Variants in SMG5 observed in about 807,000 individuals in gnomAD.
The protein encoded by SMG5 is SMG5 nonsense mediated mRNA decay factor.
Under a neutral mutation model 122.9 loss-of-function variants are expected in SMG5, and 53 were observed. The observed-to-expected ratio is 0.43, with a 90% CI of 0.35 to 0.54. The LOEUF is 0.54. Ranked by LOEUF, SMG5 falls within the 20% of genes least tolerant of loss-of-function variation. The pLI is 0.01. For missense variants in SMG5, 1,153 were observed against 1,285.6 expected (o/e 0.90, Z 1.58); for synonymous variants, 477 against 490.2 (o/e 0.97, Z 0.35).
Position 156,249,475 on chromosome 1 carries a change from G to A in SMG5, c.*1112C>T. On this transcript the variant is annotated 3_prime_UTR_variant, in exon 22 of 22. Coordinates refer to ENST00000361813, the MANE Select transcript of SMG5 (RefSeq NM_015327.3). ...CCCAGCCTGAGGGGGAGGAGCTGAG[G>A]CAATCCTGGCTGCAGCCTCCCACAC... The A allele has an allele frequency of 8.7e-6, 3 of 346,226 alleles. No individual in the cohort carries two copies. Among genetic ancestry groups the A allele is most frequent in the South Asian group, 2.2e-5 (1 of 45,362 alleles). The allele number at this position is 346,226 out of a possible 1,614,324, so 21.4% of individuals were successfully genotyped here. A position where few individuals can be genotyped will look rare whatever the true frequency, so the allele number is the denominator to read the frequency against.
At chr1:156,274,752 AC>A (rs1260227972) in intron 4 of SMG5, 66 bp from the exon 5 acceptor site, 5 of 1,313,190 alleles carry the variant, frequency 3.8e-6, no homozygotes, top group Non-Finnish European at 4.4e-6. Context: ...ATGAAGAAAT[AC>A]CCCTCCGAGA....
Position 156,250,471 on chromosome 1 carries a change from C to G in SMG5, c.*116G>C. On this transcript the variant is annotated 3_prime_UTR_variant, in exon 22 of 22. Transcript: ENST00000361813. The stretch of plus-strand genomic sequence containing the variant: ...AGCCTCTGAGCAGCTAGGCCTCCCT[C>G]CTGTGTGCGTGCATGAGTCTGCGTG... 13 of 909,116 alleles carry G rather than the reference C, an allele frequency of 1.4e-5. No homozygotes were observed. The Middle Eastern group carries it at 2.9e-3, about 204-fold the overall frequency. 56.3% of individuals were successfully genotyped at this position (909,116 alleles called of 1,614,324 possible).
At chr1:156,264,292 AAG>A (rs1281756099) in intron 12 of SMG5, among the ~76,000 whole-genome samples, 3 of 151,556 alleles carry the variant, frequency 2.0e-5, no homozygotes, top group Admixed American at 6.6e-5. Context: ...AAAAAAAAAA[AAG>A]AGTTACTTTT....
chr1:156,260,230 T>C (rs1437282338), intron 15 of SMG5, among the ~76,000 whole-genome samples: 1 of 152,036 alleles, frequency 6.6e-6, no homozygotes, highest in African/African-American at 2.4e-5. Context: ...TCTACAATAG[T>C]AGAAACTACC....
At chr1:156,259,708 T>C (rs1229829403) in intron 15 of SMG5, among the ~76,000 whole-genome samples, 1 of 152,130 alleles carries the variant, frequency 6.6e-6, no homozygotes. Flanking sequence ...TTTGTATTTT[T>C]TGATAGAAAT....
chr1:156,285,726 C>G (rs749622108), upstream of SMG5: 1 of 1,613,252 alleles, frequency 6.2e-7, no homozygotes, highest in Non-Finnish European at 8.5e-7. Context: ...GTCACCCACC[C>G]CGACCCCACT....
At chr1:156,271,167 C>G (rs1361300495) in intron 7 of SMG5, among the ~76,000 whole-genome samples, 1 of 152,190 alleles carries the variant, frequency 6.6e-6, no homozygotes, top group Non-Finnish European at 1.5e-5. Flanking sequence ...AATACAGCGA[C>G]TAGGTTACCT....
At position 156,268,314 on chromosome 1, in the gene SMG5, C is replaced by G; in HGVS notation, c.815G>C (p.Arg272Pro). ...MYHQLKKCET[R>P]KLSPGKKRCK... ...CCGCTTTTTGCCAGGAGACAGTTTC[C>G]GAGTCTCACACTTCTTCAGTTGGTG... Residue 272 changes from arginine to proline, a missense_variant, in exon 8 of 22, where the codon CGG becomes CCG. By Grantham distance (103) the Arg-to-Pro change is moderately radical (BLOSUM62 -2). Transcript: ENST00000361813. 2 of 1,614,148 alleles carry G rather than the reference C, an allele frequency of 1.2e-6. No homozygotes were observed. The highest frequency in any genetic ancestry group is 1.1e-5 in the South Asian group (1 of 91,078).
At chr1:156,280,796 A>G (rs906501252) in intron 1 of SMG5, among the ~76,000 whole-genome samples, 3 of 152,136 alleles carry the variant, frequency 2.0e-5, no homozygotes, top group Non-Finnish European at 2.9e-5. Context: ...CCTCCACTAA[A>G]CTATAATCTC....
chr1:156,283,431 C>T (rs1663058442), upstream of SMG5, among the ~76,000 whole-genome samples: 1 of 152,166 alleles, frequency 6.6e-6, no homozygotes, highest in Admixed American at 6.5e-5. Flanking sequence ...CAGAGGTGAG[C>T]AAGCTAGACA....
At chr1:156,280,284 C>T (rs55794897) in intron 1 of SMG5, among the ~76,000 whole-genome samples, 3,544 of 152,284 alleles carry the variant, frequency 0.023, 60 homozygotes, top group Middle Eastern at 0.1. Flanking sequence ...ACAAAAGCAA[C>T]AAAAACAGAG....
chr1:156,286,132 C>T, upstream of SMG5: 1 of 1,370,060 alleles, frequency 7.3e-7, no homozygotes, highest in Non-Finnish European at 1.0e-6. Flanking sequence ...CCATCTCCTC[C>T]CAGGACCACC....
At chr1:156,274,518 T>C (rs1662589713) in intron 5 of SMG5, 79 bp downstream of exon 5, 1 of 1,271,850 alleles carries the variant, frequency 7.9e-7, no homozygotes, top group Admixed American at 1.7e-5. Flanking sequence ...AACCATGTAA[T>C]GGGTGTTACC....
At position 156,282,823 on chromosome 1, in the gene SMG5, G is replaced by A. The variant is rs1469030866; in HGVS notation, c.-143C>T. The A allele has an allele frequency of 7.3e-6, 6 of 824,882 alleles. No homozygotes were observed. The highest frequency in any genetic ancestry group is 1.9e-5 in the South Asian group (1 of 53,402). 51.1% of individuals were successfully genotyped at this position (824,882 alleles called of 1,614,324 possible). ...CCATCGCTGTGAGGCGGCTGCCCGC[G>A]ACAGCTCCTCCTCCGCCTGCCAAAT... is the stretch of plus-strand genomic sequence containing the variant. On this transcript the variant is annotated 5_prime_UTR_variant, in exon 1 of 22. Coordinates refer to ENST00000361813, the MANE Select transcript of SMG5 (RefSeq NM_015327.3).
chr1:156,263,546 T>TCCGACTCAGAGC lies in SMG5; in HGVS notation c.1868_1879dup (p.Gly623_Ser626dup). 6.2e-7 allele frequency: 1 copy of TCCGACTCAGAGC among 1,613,980 alleles called. No homozygotes were observed. Among genetic ancestry groups the TCCGACTCAGAGC allele is most frequent in the Non-Finnish European group, 8.5e-7 (1 of 1,179,916 alleles). ...GGAGCGTCCACTGGACTCACTCCCC[T>TCCGACTCAGAGC]CCGACTCAGAGCCCTCCTCAGAGGC... On this transcript the variant is annotated inframe_insertion, in exon 13 of 22. Coordinates refer to ENST00000361813, the MANE Select transcript of SMG5 (RefSeq NM_015327.3).
chr1:156,253,426 GCACTT>G lies in SMG5; in HGVS notation c.2502+18_2502+22del. 6.2e-7 allele frequency: 1 copy of G among 1,613,314 alleles called. No individual in the cohort carries two copies. Among genetic ancestry groups the G allele is most frequent in the Non-Finnish European group, 8.5e-7 (1 of 1,179,280 alleles). On this transcript the variant is annotated intron_variant, in intron 17 of 21. Transcript: ENST00000361813. Reference sequence around the variant, plus strand: ...AAAAGCTCTACCAAGTGCAGAAGAAGCACTTGGGTCCTGATTTCCTACCTGAAGTC... The same window carrying G: ...AAAAGCTCTACCAAGTGCAGAAGAAGGGGTCCTGATTTCCTACCTGAAGTC...
intron 12 of SMG5, among the ~76,000 whole-genome samples, 179 bp downstream of exon 12, chr1:156,265,602 G>C (rs1284343978): frequency 6.6e-6 from 1 of 152,238 alleles, no homozygotes; most frequent in Non-Finnish European, 1.5e-5. Context: ...ATGGGAATAA[G>C]GAAGTGAGCA....
At chr1:156,290,131 A>G in the SMG5 span, 2 of 152,244 alleles carry the variant, frequency 1.3e-5, no homozygotes, top group Non-Finnish European at 2.9e-5. Flanking sequence ...ATATAAAATG[A>G]TCTCCAGGAT....
At chr1:156,285,884 G>T (rs762068186), upstream of SMG5, 3 of 1,613,792 alleles carry the variant, frequency 1.9e-6, no homozygotes, top group Non-Finnish European at 1.7e-6. Context: ...CGGGGCATAT[G>T]CCTTCCTGCC....
Sources: gnomAD v4.1 joint callset for allele counts (sites outside exome capture counted in the v4.1 genomes callset) on GRCh38, gnomAD v4.1.1 for gene constraint, MANE v1.5 for transcripts, NCBI Gene and HGNC (gene_info 2026-07-23, HGNC 2026-07-21) for gene names.